ZDHHC13: variants seen among roughly 807,000 people sequenced by gnomAD.
ZDHHC13 encodes zDHHC palmitoyltransferase 13, also known as palmitoyltransferase ZDHHC13.
ZDHHC13 carries 85 observed loss-of-function variants against 86.0 expected under a neutral mutation model. The observed-to-expected ratio is 0.99, with a 90% CI of 0.83 to 1.18. The LOEUF (loss-of-function observed/expected upper bound fraction) is 1.18, where lower values mean the gene tolerates loss of function less well. Ranked by LOEUF, ZDHHC13 falls within the 50% of genes most tolerant of loss-of-function variation. ZDHHC13 has a pLI of 0.00. For missense variants in ZDHHC13, 711 were observed against 730.2 expected, an observed-to-expected ratio of 0.97 and a Z score of 0.30; for synonymous variants, 263 against 246.4, an observed-to-expected ratio of 1.07 and a Z score of -0.63.
Position 19,117,462 on chromosome 11 carries a change from A to C in ZDHHC13, c.27+186A>C, listed in dbSNP as rs1034067002. ...GGAAATTGTCTCTGAGGCGACTGGGAAGAAAAGGCGAGGACTGAGGGGTGA... is the reference window on the plus strand; with the variant it reads ...GGAAATTGTCTCTGAGGCGACTGGGCAGAAAAGGCGAGGACTGAGGGGTGA... On this transcript the variant is annotated intron_variant, in intron 1 of 16. Transcript: ENST00000446113. The surrounding 1 kb of genome is among the most constrained non-coding windows in gnomAD (Gnocchi z 4.2). Among the ~76,000 whole-genome samples the C allele has an allele frequency of 6.6e-6, 1 of 152,130 alleles. No homozygotes were observed. The highest frequency in any genetic ancestry group is 1.9e-4 in the East Asian group (1 of 5,164).
In ZDHHC13 at chr11:19,163,245, C is replaced by T. The variant is rs1849959784; in HGVS notation, c.1109-58C>T. The T allele has an allele frequency of 2.6e-6, 4 of 1,520,954 alleles. No homozygotes were observed. The Admixed American group carries it at 9.0e-5, about 34-fold the overall frequency. 94.2% of individuals were successfully genotyped at this position (1,520,954 alleles called of 1,614,324 possible). Reference sequence around the variant, plus strand: ...AGGTGCCAATGATGAAATTTGCTTACATCATAATTACATTATTTTTAAAGG... The same window carrying T: ...AGGTGCCAATGATGAAATTTGCTTATATCATAATTACATTATTTTTAAAGG... On this transcript the variant is annotated intron_variant, in intron 10 of 16. Transcript: ENST00000446113.
chr11:19,130,906 C>T lies in ZDHHC13; in HGVS notation c.28-12072C>T, dbSNP rs146751037. On this transcript the variant is annotated intron_variant, in intron 1 of 16. Transcript: ENST00000446113. Reference sequence around the variant, plus strand: ...TGTCGCCCAGGCTGGAGTACAGTGGCGCGATATCGGCTCACTGCAACCTCC... The same window carrying T: ...TGTCGCCCAGGCTGGAGTACAGTGGTGCGATATCGGCTCACTGCAACCTCC... Among the ~76,000 whole-genome samples the T allele has an allele frequency of 6.4e-3, 970 of 151,266 alleles. 8 individuals are homozygous for T. The highest frequency in any genetic ancestry group is 0.022 in the African/African-American group (906 of 41,214).
At chr11:19,142,097 A>G (rs1331158156) in intron 1 of ZDHHC13, among the ~76,000 whole-genome samples, 1 of 152,122 alleles carries the variant, frequency 6.6e-6, no homozygotes, top group African/African-American at 2.4e-5. Context: ...GCTTAGCTGG[A>G]TCCTCTGCTA....
At chr11:19,119,443 C>T (rs1253838767) in intron 1 of ZDHHC13, among the ~76,000 whole-genome samples, 1 of 152,224 alleles carries the variant, frequency 6.6e-6, no homozygotes, top group Non-Finnish European at 1.5e-5. Context: ...CCGGTCATCC[C>T]CAGCCACACC....
Position 19,134,115 on chromosome 11 carries a change from G to A in ZDHHC13, c.28-8863G>A, listed in dbSNP as rs1849070186. 7.9e-5 allele frequency among the ~76,000 whole-genome samples: 12 copies of A among 151,704 alleles called. No homozygotes were observed. In the South Asian group the frequency reaches 2.5e-3, roughly 32 times the overall value. ...GGAATAACTAATAATCTCCTGAGGA[G>A]ACTATTTTGAAGATATAATTTCTGA... On this transcript the variant is annotated intron_variant, in intron 1 of 16. Coordinates refer to ENST00000446113, the MANE Select transcript of ZDHHC13 (RefSeq NM_019028.3).
chr11:19,140,020 C>G (rs1280001636), intron 1 of ZDHHC13, among the ~76,000 whole-genome samples: 2 of 150,316 alleles, frequency 1.3e-5, no homozygotes, highest in South Asian at 2.1e-4. Context: ...GACTTCATGT[C>G]TAAAACACCA....
Position 19,165,164 on chromosome 11 carries a change from C to T in ZDHHC13, c.1390+19C>T. 3 of 1,598,990 alleles carry T rather than the reference C, an allele frequency of 1.9e-6. No homozygotes were observed. Among genetic ancestry groups the T allele is most frequent in the Non-Finnish European group, 2.6e-6 (3 of 1,171,814 alleles). The stretch of plus-strand genomic sequence containing the variant: ...TGCATAGGTGAGAGATTTAATTTTT[C>T]AATTACTACTGTGAAGTTAAGCATA... On this transcript the variant is annotated intron_variant, in intron 13 of 16. Transcript: ENST00000446113.
intron 1 of ZDHHC13, among the ~76,000 whole-genome samples, chr11:19,141,082 A>G (rs1173346939): frequency 1.3e-5 from 2 of 152,044 alleles, no homozygotes; most frequent in Non-Finnish European, 2.9e-5. Context: ...TAAAAAAAAA[A>G]AAGAAAAAAA....
chr11:19,163,285 C>T lies in ZDHHC13; in HGVS notation c.1109-18C>T. On this transcript the variant is annotated intron_variant, in intron 10 of 16. Coordinates refer to ENST00000446113, the MANE Select transcript of ZDHHC13 (RefSeq NM_019028.3). The stretch of plus-strand genomic sequence containing the variant: ...ATTTTTAAAGGAAGTTTGGTGTATT[C>T]CTTAACTTGGCTTTAACATTTAGCA... 1 of 1,569,022 alleles carries T rather than the reference C, an allele frequency of 6.4e-7. No homozygotes were observed. Among genetic ancestry groups the T allele is most frequent in the Non-Finnish European group, 8.6e-7 (1 of 1,165,082 alleles).
intron 14 of ZDHHC13, chr11:19,170,073 A>G (rs1850177436): frequency 9.3e-7 from 1 of 1,077,832 alleles, no homozygotes; most frequent in African/African-American, 1.7e-5. Flanking sequence ...ATAAACATGA[A>G]TAAGGTAGGG....
At chr11:19,175,178 GGAGATT>G (rs1187967987) in intron 16 of ZDHHC13, among the ~76,000 whole-genome samples, 1 of 151,758 alleles carries the variant, frequency 6.6e-6, no homozygotes, top group African/African-American at 2.4e-5. Flanking sequence ...CACGAGGTCA[GGAGATT>G]GAGACCATCC....
At chr11:19,133,384 TATACAC>T (rs1293487828) in intron 1 of ZDHHC13, among the ~76,000 whole-genome samples, 34 of 82,548 alleles carry the variant, frequency 4.1e-4, no homozygotes, top group Non-Finnish European at 7.1e-4. Flanking sequence ...CACACATATA[TATACAC>T]ACACACACAC....
intron 8 of ZDHHC13, 105 bp downstream of exon 8, chr11:19,152,789 C>T: frequency 6.5e-7 from 1 of 1,535,230 alleles, no homozygotes. Flanking sequence ...CTTTTTGCTG[C>T]ATTATATCTG....
chr11:19,133,352 C>CATATATATATATATATATATATATAT (rs149739194), intron 1 of ZDHHC13, among the ~76,000 whole-genome samples: 18 of 144,894 alleles, frequency 1.2e-4, no homozygotes, highest in African/African-American at 4.3e-4. Context: ...GAATTGTTTA[C>CATATATATATATATATATATATATAT]ATATATATAT....
chr11:19,148,471 A>G (rs1439544682), intron 4 of ZDHHC13: 1 of 152,146 alleles, frequency 6.6e-6, no homozygotes, highest in Non-Finnish European at 1.5e-5. Context: ...ATATTATCAC[A>G]GTAAACCCAT....
At chr11:19,131,007 G>A (rs1254382702) in intron 1 of ZDHHC13, among the ~76,000 whole-genome samples, 2 of 151,706 alleles carry the variant, frequency 1.3e-5, no homozygotes, top group African/African-American at 4.8e-5. Flanking sequence ...CACCATGCCC[G>A]GCTAATTTTT....
At chr11:19,140,633 A>G (rs11025032) in intron 1 of ZDHHC13, among the ~76,000 whole-genome samples, 15,408 of 152,162 alleles carry the variant, frequency 0.1, 1,067 homozygotes, top group Non-Finnish European at 0.14. Flanking sequence ...TTATTGCGGC[A>G]TTATTCACAA....
In ZDHHC13 at chr11:19,164,295, T is replaced by G; in HGVS notation, c.1234-6T>G. 1 of 1,612,826 alleles carries G rather than the reference T, an allele frequency of 6.2e-7. No individual in the cohort carries two copies. Among genetic ancestry groups the G allele is most frequent in the Non-Finnish European group, 8.5e-7 (1 of 1,179,394 alleles). On this transcript the variant is annotated splice_polypyrimidine_tract_variant and splice_region_variant and intron_variant, in intron 11 of 16. Coordinates refer to ENST00000446113, the MANE Select transcript of ZDHHC13 (RefSeq NM_019028.3). ...GTGGTAATAGGTCAAACTTCATGTC[T>G]TTCAGAATATCATCACCCTTGCAGA...
At chr11:19,156,431 G>A (rs1160787697) in intron 9 of ZDHHC13, among the ~76,000 whole-genome samples, 1 of 152,044 alleles carries the variant, frequency 6.6e-6, no homozygotes, top group Non-Finnish European at 1.5e-5. Flanking sequence ...ATAGTTAATG[G>A]TTAAGAGTCA....
Sources: allele counts gnomAD v4.1 joint callset (sites outside exome capture counted in the v4.1 genomes callset), GRCh38; gene constraint gnomAD v4.1.1; non-coding constraint Gnocchi (gnomAD v3.1); transcripts MANE v1.5; gene names NCBI Gene and HGNC (gene_info 2026-07-23, HGNC 2026-07-21).